The following PCDHGB2 variants were observed in gnomAD, a reference collection of about 807,000 sequenced individuals.
PCDHGB2 encodes the protein protocadherin gamma subfamily B, 2.
Under a neutral mutation model 59.3 loss-of-function variants are expected in PCDHGB2, and 55 were observed. That is an observed-to-expected ratio of 0.93 (90% confidence interval 0.75 to 1.16). PCDHGB2 has a LOEUF of 1.16. Among genes scored for constraint, PCDHGB2 ranks in the 50% most tolerant of loss-of-function variants. The probability of loss-of-function intolerance (pLI) is 0.00; values close to 1 mark genes in which losing one functional copy is unlikely to be tolerated. For synonymous variants in PCDHGB2, 516 were observed against 512.0 expected (o/e 1.01, Z -0.11); for missense variants, 1,228 against 1,198.5 (o/e 1.02, Z -0.36).
At chr5:141,392,465 C>A (rs2092539675) in intron 1 of PCDHGB2, 2 of 174,278 alleles carry the variant, frequency 1.1e-5, no homozygotes, top group Admixed American at 6.2e-5. Flanking sequence ...ACGGATAAAT[C>A]AAATAAATTC....
intron 1 of PCDHGB2, chr5:141,384,849 TC>T (rs2047512750): frequency 6.2e-7 from 1 of 1,613,452 alleles, no homozygotes; most frequent in East Asian, 2.2e-5. Flanking sequence ...AGGACCACGG[TC>T]AGCCTCCTCT....
At chr5:141,388,457 C>A in intron 1 of PCDHGB2, 1 of 1,613,814 alleles carries the variant, frequency 6.2e-7, no homozygotes, top group Non-Finnish European at 8.5e-7. Flanking sequence ...GCAGTAAATA[C>A]CCTGAGATGG....
chr5:141,414,588 G>A, intron 1 of PCDHGB2: 1 of 1,613,872 alleles, frequency 6.2e-7, no homozygotes, highest in Non-Finnish European at 8.5e-7. Flanking sequence ...ACAACGCCAG[G>A]GGTGCCTCCA....
At position 141,477,023 on chromosome 5, in the gene PCDHGB2, A is replaced by T. The variant is rs763926460; in HGVS notation, c.2422-17784A>T. ...ATTCGCCTTAGACCTTGTAACCGGG[A>T]TGCTGACAATCAAGGGTCGGCTGGA... is the stretch of plus-strand genomic sequence containing the variant. On this transcript the variant is annotated intron_variant, in intron 1 of 3. Transcript: ENST00000522605. The surrounding 1 kb of genome is among the most constrained non-coding windows in gnomAD (Gnocchi z 4.9). 6.2e-7 allele frequency: 1 copy of T among 1,614,240 alleles called. No homozygotes were observed. The highest frequency in any genetic ancestry group is 8.5e-7 in the Non-Finnish European group (1 of 1,180,040).
intron 1 of PCDHGB2, chr5:141,376,094 A>T: frequency 6.2e-7 from 1 of 1,613,544 alleles, no homozygotes. Flanking sequence ...GATCCCCGAC[A>T]TCCTGGCCGA....
intron 1 of PCDHGB2, chr5:141,404,934 C>A: frequency 5.6e-6 from 9 of 1,613,986 alleles, no homozygotes; most frequent in Non-Finnish European, 6.8e-6. Flanking sequence ...GTCACGCTCA[C>A]AGTAGCCATA....
Position 141,378,772 on chromosome 5 carries a change from A to G in PCDHGB2, c.2421+16216A>G, listed in dbSNP as rs1588863408. 6 of 152,352 alleles carry G rather than the reference A, an allele frequency of 3.9e-5. No individual in the cohort carries two copies. The South Asian group carries it at 1.2e-3, about 32-fold the overall frequency. 9.4% of individuals were successfully genotyped at this position (152,352 alleles called of 1,614,324 possible). A position where few individuals can be genotyped will look rare whatever the true frequency, so the allele number is the denominator to read the frequency against. ...AAAGGGATTATCATTTAGAAGACTG[A>G]TTAGTCTTATTTATTATGACTGAAA... On this transcript the variant is annotated intron_variant, in intron 1 of 3. Transcript: ENST00000522605.
rs2099183566 is a variant in PCDHGB2, at chr5:141,468,861, A to G, written c.2422-25946A>G. 3.9e-5 allele frequency among the ~76,000 whole-genome samples: 6 copies of G among 152,168 alleles called. No homozygotes were observed. In the South Asian group the frequency reaches 1.2e-3, roughly 32 times the overall value. On this transcript the variant is annotated intron_variant, in intron 1 of 3. Coordinates refer to ENST00000522605, the MANE Select transcript of PCDHGB2 (RefSeq NM_018923.3). ...AGCCTGGGCAACAGAGCGAGACTCCATCTCAAAAATAATAATAATAATAAT... is the reference window on the plus strand; with the variant it reads ...AGCCTGGGCAACAGAGCGAGACTCCGTCTCAAAAATAATAATAATAATAAT...
In PCDHGB2 at chr5:141,385,618, A is replaced by C. The variant is rs1174442072; in HGVS notation, c.2421+23062A>C. 7.5e-6 allele frequency: 8 copies of C among 1,062,366 alleles called. No individual in the cohort carries two copies. The East Asian group carries it at 3.6e-4, about 48-fold the overall frequency. The allele number at this position is 1,062,366 out of a possible 1,614,324, so 65.8% of individuals were successfully genotyped here. A position where few individuals can be genotyped will look rare whatever the true frequency, so the allele number is the denominator to read the frequency against. On this transcript the variant is annotated intron_variant, in intron 1 of 3. Coordinates refer to ENST00000522605, the MANE Select transcript of PCDHGB2 (RefSeq NM_018923.3). ...CTTTCTTAACTCATATATTTTATAC[A>C]TTGGAATGAATCGAGTCTTTCATAT...
In PCDHGB2 at chr5:141,420,274, GGTAA is replaced by G. The variant is rs1362175190; in HGVS notation, c.2421+57722_2421+57725del. 5.9e-6 allele frequency: 9 copies of G among 1,525,426 alleles called. 1 individual carries two copies. The highest frequency in any genetic ancestry group is 2.1e-5 in the Admixed American group (1 of 48,284). 94.5% of individuals were successfully genotyped at this position (1,525,426 alleles called of 1,614,324 possible). On this transcript the variant is annotated intron_variant, in intron 1 of 3. Coordinates refer to ENST00000522605, the MANE Select transcript of PCDHGB2 (RefSeq NM_018923.3). ...AAGCAGATAAGAAGATTCTTAAACAGGTAAGTATTTAAAAATGTATTTAATCCTT... is the reference window on the plus strand; with the variant it reads ...AAGCAGATAAGAAGATTCTTAAACAGGTATTTAAAAATGTATTTAATCCTT...
intron 2 of PCDHGB2, among the ~76,000 whole-genome samples, chr5:141,504,788 TC>T (rs1235410120): frequency 6.6e-6 from 1 of 152,070 alleles, no homozygotes; most frequent in Non-Finnish European, 1.5e-5. Context: ...TCTTGGGGCC[TC>T]CTACATCTCC....
At chr5:141,419,904 C>G (rs2096446397) in intron 1 of PCDHGB2, 2 of 1,614,108 alleles carry the variant, frequency 1.2e-6, no homozygotes, top group Non-Finnish European at 1.7e-6. Flanking sequence ...CCCACACCCT[C>G]TGACTCCCAG....
chr5:141,413,671 G>A (rs2095665360), intron 1 of PCDHGB2: 13 of 1,613,878 alleles, frequency 8.1e-6, no homozygotes, highest in Non-Finnish European at 9.3e-6. Flanking sequence ...TGATCCGGAT[G>A]TGGGCGTGAA....
chr5:141,462,657 T>G (rs949098251), intron 1 of PCDHGB2, among the ~76,000 whole-genome samples: 1 of 152,164 alleles, frequency 6.6e-6, no homozygotes, highest in East Asian at 1.9e-4. Flanking sequence ...TCCTCAATTA[T>G]CTTCATATTT....
chr5:141,500,294 C>T (rs755761935), intron 2 of PCDHGB2, among the ~76,000 whole-genome samples: 3 of 151,732 alleles, frequency 2.0e-5, no homozygotes, highest in Non-Finnish European at 2.9e-5. Flanking sequence ...CTGCAAGCTC[C>T]GCCTCCCAGG....
rs764068570 is a variant in PCDHGB2 at position 141,360,654 on chromosome 5, T to A, written c.519T>A (p.Asn173Lys). Residue 173 changes from asparagine to lysine, a missense_variant, in exon 1 of 4, where the codon AAT becomes AAA. Coordinates refer to ENST00000522605, the MANE Select transcript of PCDHGB2 (RefSeq NM_018923.3). ...ACTCACTACAAAGATACCACCTTAA[T>A]GACAACGAGTACTTTGATCTCGCTG... ...GPNSLQRYHL[N>K]DNEYFDLAEK... 3 of 1,614,006 alleles carry A rather than the reference T, an allele frequency of 1.9e-6. No homozygotes were observed. Among genetic ancestry groups the A allele is most frequent in the Non-Finnish European group, 2.5e-6 (3 of 1,179,902 alleles).
intron 2 of PCDHGB2, 149 bp from the exon 3 acceptor site, chr5:141,505,244 T>C (rs886952348): frequency 7.0e-7 from 1 of 1,428,216 alleles, no homozygotes; most frequent in Non-Finnish European, 9.4e-7. Context: ...TGAAGGATTG[T>C]AGAAGTGCCT....
chr5:141,481,085 A>T (rs1200522212), intron 1 of PCDHGB2, among the ~76,000 whole-genome samples: 1 of 152,192 alleles, frequency 6.6e-6, no homozygotes, highest in African/African-American at 2.4e-5. Flanking sequence ...AAGAAAAAAG[A>T]AAAGCAGTAC....
Position 141,362,191 on chromosome 5 carries a change from G to T in PCDHGB2, c.2056G>T (p.Ala686Ser). The part of the protein sequence containing the change: ...SDRREPSDPQ[A>S]KLQFYLVVAL... ...CCGCCGGGAGCCCTCTGACCCCCAG[G>T]CAAAACTGCAGTTTTACCTGGTTGT... The change falls in exon 1 of 4, where the codon GCA (alanine) becomes TCA (serine). Residue 686 changes from alanine (A) to serine (S), a missense_variant. Physicochemically the swap from Ala to Ser is moderately conservative, Grantham distance 99. Transcript: ENST00000522605. The T allele has an allele frequency of 6.2e-7, 1 of 1,614,010 alleles. No homozygotes were observed.
Sources: gnomAD v4.1 joint callset for allele counts (sites outside exome capture counted in the v4.1 genomes callset) on GRCh38, gnomAD v4.1.1 for gene constraint, Gnocchi (gnomAD v3.1) non-coding constraint, MANE v1.5 for transcripts, NCBI Gene and HGNC (gene_info 2026-07-23, HGNC 2026-07-21) for gene names.